The following ARPC5L variants were observed in gnomAD, a reference collection of about 807,000 sequenced individuals.
ARPC5L encodes actin related protein 2/3 complex subunit 5 like, also known as actin-related protein 2/3 complex subunit 5-like protein.
ARPC5L carries 4 observed loss-of-function variants against 16.9 expected under a neutral mutation model. The observed-to-expected ratio is 0.24, with a 90% CI of 0.12 to 0.54. The LOEUF (loss-of-function observed/expected upper bound fraction) is 0.54. Among genes scored for constraint, ARPC5L ranks in the 20% least tolerant of loss-of-function variants. The pLI is 0.95. For missense variants in ARPC5L, 151 were observed against 201.9 expected, an observed-to-expected ratio of 0.75 and a Z score of 1.53; for synonymous variants, 78 against 82.6, an observed-to-expected ratio of 0.94 and a Z score of 0.30.
intron 4 of ARPC5L, among the ~76,000 whole-genome samples, chr9:124,874,441 G>A (rs1405158470): frequency 6.6e-6 from 1 of 152,196 alleles, no homozygotes; most frequent in Non-Finnish European, 1.5e-5. Context: ...GTTTATGCCT[G>A]TAATCCCAGC....
At chr9:124,862,814 C>T (rs1165775321) in intron 1 of ARPC5L, among the ~76,000 whole-genome samples, 3 of 152,030 alleles carry the variant, frequency 2.0e-5, no homozygotes, top group African/African-American at 4.8e-5. Context: ...GCGTGAGCCA[C>T]CACGCCTGGC....
chr9:124,872,286 G>A (rs919546829), intron 3 of ARPC5L, among the ~76,000 whole-genome samples: 1 of 151,992 alleles, frequency 6.6e-6, no homozygotes, highest in African/African-American at 2.4e-5. Context: ...TTGCTTTGGG[G>A]ACACCACATT....
At chr9:124,870,121 C>T (rs1220121118) in intron 3 of ARPC5L, among the ~76,000 whole-genome samples, 1 of 152,214 alleles carries the variant, frequency 6.6e-6, no homozygotes, top group Non-Finnish European at 1.5e-5. Context: ...ACAAGTGAGT[C>T]TTGGCTCCCC....
At chr9:124,864,464 C>T (rs973344766) in intron 2 of ARPC5L, among the ~76,000 whole-genome samples, 3 of 151,886 alleles carry the variant, frequency 2.0e-5, no homozygotes, top group African/African-American at 2.4e-5. Flanking sequence ...CAGGTTCAAG[C>T]GATTCTCCTG....
At chr9:124,874,697 C>G (rs1478226502) in intron 4 of ARPC5L, among the ~76,000 whole-genome samples, 1 of 140,818 alleles carries the variant, frequency 7.1e-6, no homozygotes, top group East Asian at 2.1e-4. Context: ...CCCTCTCTCC[C>G]TCTTTTCTCT....
chr9:124,862,308 A>C lies in ARPC5L; in HGVS notation c.-1074A>C, dbSNP rs145055449. 3.0e-3 allele frequency: 580 copies of C among 191,478 alleles called. 3 individuals are homozygous for C. The highest frequency in any genetic ancestry group is 0.013 in the African/African-American group (548 of 43,012). The allele number at this position is 191,478 out of a possible 1,614,324, so 11.9% of individuals were successfully genotyped here. On this transcript the variant is annotated 5_prime_UTR_variant, in exon 1 of 6. Transcript: ENST00000353214. Reference sequence around the variant, plus strand: ...CCTTGCAGATCTCCCAATCTGGGCAACTCTGAGCTGGGCGCCAGTAGTCTG... The same window carrying C: ...CCTTGCAGATCTCCCAATCTGGGCACCTCTGAGCTGGGCGCCAGTAGTCTG...
chr9:124,875,215 G>A (rs1829414743), intron 5 of ARPC5L, 64 bp downstream of exon 5: 2 of 1,560,470 alleles, frequency 1.3e-6, no homozygotes, highest in East Asian at 2.2e-5. Flanking sequence ...CGATCAGCAG[G>A]CCAGATTTTC....
chr9:124,873,127 T>C (rs10819001), intron 3 of ARPC5L: 82,771 of 152,400 alleles, frequency 0.54, 23,212 homozygotes, highest in South Asian at 0.58. Flanking sequence ...GGGTGGAGAC[T>C]GGCTCATTGT....
In ARPC5L at chr9:124,868,849, C is replaced by T; in HGVS notation, c.-442C>T. 6.3e-6 allele frequency: 1 copy of T among 158,500 alleles called. No homozygotes were observed. The highest frequency in any genetic ancestry group is 1.4e-5 in the Non-Finnish European group (1 of 72,474). The allele number at this position is 158,500 out of a possible 1,614,324, so 9.8% of individuals were successfully genotyped here. On this transcript the variant is annotated 5_prime_UTR_variant, in exon 3 of 6. Coordinates refer to ENST00000353214, the MANE Select transcript of ARPC5L (RefSeq NM_030978.3). ...AGCCGCGAGCCTTCTCCCGGGGGCC[C>T]AGCCTTCCCCAGTACCGGCAGGGAT...
At chr9:124,876,780 G>A (rs1829446068) in intron 5 of ARPC5L, 98 bp from the exon 6 acceptor site, 1 of 931,890 alleles carries the variant, frequency 1.1e-6, no homozygotes, top group African/African-American at 1.7e-5. Context: ...TCTGTGACGG[G>A]ATCTAGGTCA....
At chr9:124,874,284 C>T (rs1156361709) in intron 4 of ARPC5L, among the ~76,000 whole-genome samples, 1 of 152,210 alleles carries the variant, frequency 6.6e-6, no homozygotes, top group Non-Finnish European at 1.5e-5. Flanking sequence ...TGGGGAATGG[C>T]CCCACCCTTC....
intron 2 of ARPC5L, among the ~76,000 whole-genome samples, chr9:124,864,794 G>A (rs890628356): frequency 1.3e-5 from 2 of 151,718 alleles, no homozygotes; most frequent in African/African-American, 4.8e-5. Context: ...ATGAGCCACG[G>A]CGCAGTGCGC....
rs1184286246 is a variant in ARPC5L at position 124,869,425 on chromosome 9, C to G, written c.135C>G (p.Asp45Glu). Residue 45 changes from aspartate to glutamate, a missense_variant, in exon 3 of 6, where the codon GAC becomes GAG. Physicochemically the swap from Asp to Glu is conservative, Grantham distance 45 (BLOSUM62 2). Coordinates refer to ENST00000353214, the MANE Select transcript of ARPC5L (RefSeq NM_030978.3). ...CAGGCCCGGACCCGAGCGAGGTGGACGGGCTCCTGCGGCAATATCCTTCCC... is the reference window on the plus strand; with the variant it reads ...CAGGCCCGGACCCGAGCGAGGTGGAGGGGCTCCTGCGGCAATATCCTTCCC... Reference protein sequence around the residue: ...AEPGPDPSEVDGLLRQGDMLR... With the variant: ...AEPGPDPSEVEGLLRQGDMLR... The G allele has an allele frequency of 1.3e-6, 2 of 1,484,822 alleles. No individual in the cohort carries two copies. The highest frequency in any genetic ancestry group is 2.9e-5 in the African/African-American group (2 of 67,942). 92.0% of individuals were successfully genotyped at this position (1,484,822 alleles called of 1,614,324 possible).
rs1652716784 is a variant in ARPC5L, at chr9:124,877,346, A to G, written c.*406A>G. On this transcript the variant is annotated 3_prime_UTR_variant, in exon 6 of 6. Coordinates refer to ENST00000353214, the MANE Select transcript of ARPC5L (RefSeq NM_030978.3). Reference sequence around the variant, plus strand: ...TACAGACATCCTGTCTTCCCAGAGAAGGTGGACACTCTTGGGCTCATTGTA... The same window carrying G: ...TACAGACATCCTGTCTTCCCAGAGAGGGTGGACACTCTTGGGCTCATTGTA... 5.1e-6 allele frequency: 1 copy of G among 194,790 alleles called. No individual in the cohort carries two copies. Among genetic ancestry groups the G allele is most frequent in the East Asian group, 1.7e-4 (1 of 5,984 alleles). 12.1% of individuals were successfully genotyped at this position (194,790 alleles called of 1,614,324 possible).
chr9:124,862,973 G>A (rs1829223742), intron 1 of ARPC5L, among the ~76,000 whole-genome samples: 1 of 149,154 alleles, frequency 6.7e-6, no homozygotes, highest in South Asian at 2.1e-4. Context: ...TCAGTCTCCC[G>A]AGTAGCTGAA....
chr9:124,869,576 G>A, intron 3 of ARPC5L, 137 bp downstream of exon 3: 1 of 1,343,218 alleles, frequency 7.4e-7, no homozygotes, highest in Non-Finnish European at 9.6e-7. Flanking sequence ...CCAGCTCCCT[G>A]CCGACCCGGC....
In ARPC5L at chr9:124,876,957, C is replaced by A; in HGVS notation, c.*17C>A. 6.2e-7 allele frequency: 1 copy of A among 1,601,070 alleles called. No individual in the cohort carries two copies. On this transcript the variant is annotated 3_prime_UTR_variant, in exon 6 of 6. Transcript: ENST00000353214. Reference sequence around the variant, plus strand: ...ACTGTTTAAAAAAAATAAAAAGACTCATGTTACCTTGAGAAGAATTCTGGA... The same window carrying A: ...ACTGTTTAAAAAAAATAAAAAGACTAATGTTACCTTGAGAAGAATTCTGGA...
intron 1 of ARPC5L, 137 bp from the exon 2 acceptor site, chr9:124,863,851 C>G (rs1829236200): frequency 6.6e-6 from 1 of 152,212 alleles, no homozygotes. Context: ...GCCAGATTGT[C>G]CTCTTGTTAC....
chr9:124,863,005 G>A (rs1051132319), intron 1 of ARPC5L, among the ~76,000 whole-genome samples: 2 of 151,166 alleles, frequency 1.3e-5, no homozygotes, highest in African/African-American at 4.9e-5. Flanking sequence ...AAGCCACCAG[G>A]CCTGGCTAAT....
Sources: allele counts gnomAD v4.1 joint callset (sites outside exome capture counted in the v4.1 genomes callset), GRCh38; gene constraint gnomAD v4.1.1; transcripts MANE v1.5; gene names NCBI Gene and HGNC (gene_info 2026-07-23, HGNC 2026-07-21).